Variants in CFAP54 observed in about 807,000 individuals in gnomAD.
CFAP54 encodes cilia and flagella associated protein 54.
In CFAP54, 290 loss-of-function variants were observed where a neutral mutation model predicts 370.4. That is an observed-to-expected ratio of 0.78 (90% CI 0.71 to 0.86). CFAP54 has a LOEUF of 0.86. Among genes scored for constraint, CFAP54 ranks in the 40% least tolerant of loss-of-function variants. The pLI is 0.00. For synonymous variants in CFAP54, 1,206 were observed against 1,236.5 expected, an observed-to-expected ratio of 0.98 and a Z score of 0.52; for missense variants, 3,399 against 3,528.7, an observed-to-expected ratio of 0.96 and a Z score of 0.93.
At chr12:96,757,343 G>A in intron 57 of CFAP54, 152 bp from the exon 58 acceptor site, 2 of 443,050 alleles carry the variant, frequency 4.5e-6, no homozygotes, top group Non-Finnish European at 8.1e-6. Context: ...AGTATCTATG[G>A]TCAAAAGTGC....
intron 26 of CFAP54, among the ~76,000 whole-genome samples, chr12:96,601,898 A>C (rs1956246771): frequency 6.6e-6 from 1 of 152,084 alleles, no homozygotes; most frequent in Non-Finnish European, 1.5e-5. Flanking sequence ...TGATCTTTTC[A>C]AAAAACGAGC....
intron 60 of CFAP54, among the ~76,000 whole-genome samples, chr12:96,781,598 G>C (rs894408668): frequency 6.6e-6 from 1 of 152,076 alleles, no homozygotes; most frequent in Non-Finnish European, 1.5e-5. Context: ...ACCCAGCAAG[G>C]AGAAGGCCAT....
At chr12:96,495,087 G>A (rs557920794) in intron 1 of CFAP54, among the ~76,000 whole-genome samples, 3 of 152,180 alleles carry the variant, frequency 2.0e-5, no homozygotes, top group Admixed American at 2.0e-4. Flanking sequence ...ACTTCCATAA[G>A]CATACAATTC....
intron 50 of CFAP54, among the ~76,000 whole-genome samples, chr12:96,724,554 C>T (rs1470267926): frequency 6.6e-6 from 1 of 151,940 alleles, no homozygotes; most frequent in African/African-American, 2.4e-5. Context: ...TGTTTGAGTT[C>T]ATTGTAGATT....
chr12:96,744,394 G>A (rs986508617), intron 55 of CFAP54, among the ~76,000 whole-genome samples: 8 of 152,090 alleles, frequency 5.3e-5, no homozygotes, highest in African/African-American at 1.9e-4. Context: ...GCTTGGTCTA[G>A]ACTATTGCAC....
chr12:96,689,973 C>G (rs1408441187), intron 43 of CFAP54, among the ~76,000 whole-genome samples: 4 of 152,158 alleles, frequency 2.6e-5, no homozygotes, highest in Non-Finnish European at 5.9e-5. Context: ...CCTTACGCCT[C>G]TTGCCTGGGC....
chr12:96,856,335 G>A (rs759710274), intron 66 of CFAP54, among the ~76,000 whole-genome samples: 53 of 152,190 alleles, frequency 3.5e-4, no homozygotes, highest in Admixed American at 3.3e-4. Context: ...TTATGCAGGA[G>A]GCTTGAATTT....
intron 32 of CFAP54, among the ~76,000 whole-genome samples, chr12:96,641,438 G>C (rs1197046412): frequency 2.6e-5 from 4 of 152,092 alleles, no homozygotes; most frequent in Non-Finnish European, 5.9e-5. Context: ...AGAGGTGCTG[G>C]AGAGGATGTG....
chr12:96,743,589 G>C lies in CFAP54; in HGVS notation c.7377+30G>C, dbSNP rs537901403. On this transcript the variant is annotated intron_variant, in intron 53 of 67. Transcript: ENST00000524981. ...AAAGGAAACTTTGTTCGTATTTATAGTCAGGGAGGGATTCCAGTTAGAACA... is the reference window on the plus strand; with the variant it reads ...AAAGGAAACTTTGTTCGTATTTATACTCAGGGAGGGATTCCAGTTAGAACA... 5 of 1,612,936 alleles carry C rather than the reference G, an allele frequency of 3.1e-6. No homozygotes were observed. The African/African-American group carries it at 6.7e-5, about 22-fold the overall frequency.
At chr12:96,840,179 G>T (rs918104) in intron 66 of CFAP54, among the ~76,000 whole-genome samples, 59,117 of 152,130 alleles carry the variant, frequency 0.39, 12,909 homozygotes, top group African/African-American at 0.59. Context: ...CCTCCTCTGA[G>T]CAGAGGCTGT....
intron 3 of CFAP54, among the ~76,000 whole-genome samples, chr12:96,505,716 T>C (rs1955092491): frequency 6.6e-6 from 1 of 152,140 alleles, no homozygotes; most frequent in Non-Finnish European, 1.5e-5. Context: ...TTGGCCAGGC[T>C]GGTCTCGAAC....
At chr12:96,503,537 C>G (rs1256431558) in intron 2 of CFAP54, among the ~76,000 whole-genome samples, 1 of 151,850 alleles carries the variant, frequency 6.6e-6, no homozygotes, top group Admixed American at 6.6e-5. Flanking sequence ...TCATCCACCT[C>G]TCTAGGTATG....
chr12:96,624,954 A>T (rs2136469568), intron 28 of CFAP54, among the ~76,000 whole-genome samples: 1 of 152,340 alleles, frequency 6.6e-6, no homozygotes, highest in South Asian at 2.1e-4. Flanking sequence ...AGTGTTCTAG[A>T]AATGTGAATT....
At chr12:96,647,500 A>AATAAC (rs1565927578) in intron 33 of CFAP54, among the ~76,000 whole-genome samples, 1 of 145,314 alleles carries the variant, frequency 6.9e-6, no homozygotes. Flanking sequence ...AAAAAAAGAA[A>AATAAC]TGCCATTGAT....
intron 34 of CFAP54, among the ~76,000 whole-genome samples, chr12:96,648,627 A>G (rs552378250): frequency 1.7e-5 from 2 of 118,330 alleles, no homozygotes; most frequent in African/African-American, 6.8e-5. Flanking sequence ...GTCTCACCCT[A>G]TCACCTGGGC....
chr12:96,857,437 G>T, intron 66 of CFAP54, among the ~76,000 whole-genome samples: 1 of 146,774 alleles, frequency 6.8e-6, no homozygotes, highest in East Asian at 1.9e-4. Flanking sequence ...ATAGCCTCTA[G>T]CTTCATCCAT....
chr12:96,631,674 A>G (rs1956609538), intron 32 of CFAP54, among the ~76,000 whole-genome samples: 1 of 149,726 alleles, frequency 6.7e-6, no homozygotes, highest in East Asian at 1.9e-4. Context: ...ATAAATATAA[A>G]TAACATAATT....
At chr12:96,490,700 A>G (rs1213498999) in intron 1 of CFAP54, among the ~76,000 whole-genome samples, 1 of 140,286 alleles carries the variant, frequency 7.1e-6, no homozygotes, top group Non-Finnish European at 1.6e-5. Flanking sequence ...TCAAAAAATA[A>G]TAATAATAAA....
In CFAP54 at chr12:96,569,638, T is replaced by C. The variant is rs188558587; in HGVS notation, c.2619+4873T>C. Among the ~76,000 whole-genome samples, 92 of 152,336 alleles carry C rather than the reference T, an allele frequency of 6.0e-4. 2 individuals are homozygous for C. In the East Asian group the frequency reaches 0.013, roughly 21 times the overall value. ...CTATTTGTAGGAACCTAAACAAATC[T>C]GTAGTTGAGATCATTTCAACAATTC... is the stretch of plus-strand genomic sequence containing the variant. On this transcript the variant is annotated intron_variant, in intron 19 of 67. Coordinates refer to ENST00000524981, the MANE Select transcript of CFAP54 (RefSeq NM_001306084.2).
Sources: gnomAD v4.1 joint callset for allele counts (sites outside exome capture counted in the v4.1 genomes callset) on GRCh38, gnomAD v4.1.1 for gene constraint, MANE v1.5 for transcripts, NCBI Gene and HGNC (gene_info 2026-07-23, HGNC 2026-07-21) for gene names.